MLANA: variants seen among roughly 807,000 people sequenced by gnomAD.
MLANA encodes the protein melanoma antigen recognized by T-cells 1.
Under a neutral mutation model 15.7 loss-of-function variants are expected in MLANA, and 21 were observed. The ratio of observed to expected loss-of-function variants is 1.33; its 90% CI spans 0.95 to 1.92. The LOEUF (loss-of-function observed/expected upper bound fraction) is 1.92. MLANA is among the 40% of genes most tolerant of loss of function. The pLI is 0.00. For synonymous variants in MLANA, 56 were observed against 51.5 expected (o/e 1.09, Z -0.37); for missense variants, 164 against 143.8 (o/e 1.14, Z -0.72).
chr9:5,894,279 G>A lies in MLANA; in HGVS notation c.77+1728G>A, dbSNP rs1197895822. ...ACAACCTGAACAAGGTAACTTTCAG[G>A]GTCTAGTCAGGAAGAAACCAACTAG... is the stretch of plus-strand genomic sequence containing the variant. On this transcript the variant is annotated intron_variant, in intron 2 of 4. Transcript: ENST00000381477. The surrounding 1 kb of genome is among the most constrained non-coding windows in gnomAD (Gnocchi z 4.0). 5.3e-5 allele frequency among the ~76,000 whole-genome samples: 8 copies of A among 152,066 alleles called. No homozygotes were observed. In the South Asian group the frequency reaches 1.7e-3, roughly 32 times the overall value.
chr9:5,901,602 T>C (rs1306628194), intron 3 of MLANA, among the ~76,000 whole-genome samples: 1 of 152,150 alleles, frequency 6.6e-6, no homozygotes, highest in Non-Finnish European at 1.5e-5. Context: ...TACTGTAACC[T>C]TCACCTCCCA....
intron 3 of MLANA, among the ~76,000 whole-genome samples, chr9:5,903,229 T>A (rs1832561957): frequency 6.6e-6 from 1 of 152,160 alleles, no homozygotes; most frequent in South Asian, 2.1e-4. Context: ...TTAAGATGTG[T>A]TTTGTGGCCC....
At chr9:5,904,227 CAT>C (rs1832644315) in intron 3 of MLANA, among the ~76,000 whole-genome samples, 1 of 144,972 alleles carries the variant, frequency 6.9e-6, no homozygotes, top group African/African-American at 2.6e-5. Context: ...GTAGAGAACA[CAT>C]AGTTGGGTCT....
intron 3 of MLANA, among the ~76,000 whole-genome samples, chr9:5,906,648 C>A (rs960822836): frequency 2.6e-5 from 4 of 152,234 alleles, no homozygotes; most frequent in African/African-American, 4.8e-5. Context: ...CCAGGTACTG[C>A]ACTAGAGCTT....
chr9:5,892,479 CAAGAG>C lies in MLANA; in HGVS notation c.10_14del (p.Glu4CysfsTer20). The C allele has an allele frequency of 6.2e-7, 1 of 1,613,380 alleles. No homozygotes were observed. On this transcript the variant is annotated frameshift_variant, in exon 2 of 5. Transcript: ENST00000381477. LOFTEE classifies it high-confidence loss of function. ...CCTGTGCCCTGACCCTACAAGATGC[CAAGAG>C]AAGATGCTCACTTCATCTATGGTTA... is the stretch of plus-strand genomic sequence containing the variant.
At chr9:5,904,048 G>T in intron 3 of MLANA, among the ~76,000 whole-genome samples, 1 of 151,996 alleles carries the variant, frequency 6.6e-6, no homozygotes, top group South Asian at 2.1e-4. Context: ...AGCAGAGATG[G>T]GGTTTCACCA....
At chr9:5,903,427 T>C (rs531652638) in intron 3 of MLANA, among the ~76,000 whole-genome samples, 5 of 152,170 alleles carry the variant, frequency 3.3e-5, no homozygotes, top group Non-Finnish European at 5.9e-5. Flanking sequence ...TGTTGTTGAG[T>C]TTTTTTGCAT....
rs556644682 is a variant in MLANA at position 5,895,896 on chromosome 9, G to A, written c.78-1661G>A. On this transcript the variant is annotated intron_variant, in intron 2 of 4. Transcript: ENST00000381477. The stretch of plus-strand genomic sequence containing the variant: ...AGTACCACGTGACCATGCATAAAGT[G>A]CTGTAACAGAGCTCTGACTGTGTCA... Among the ~76,000 whole-genome samples, 16 of 152,352 alleles carry A rather than the reference G, an allele frequency of 1.1e-4. No individual in the cohort carries two copies. The Middle Eastern group carries it at 0.01, about 97-fold the overall frequency.
intron 2 of MLANA, among the ~76,000 whole-genome samples, chr9:5,897,159 G>C (rs1184023292): frequency 6.6e-6 from 1 of 152,218 alleles, no homozygotes; most frequent in Non-Finnish European, 1.5e-5. Context: ...AGATGAGTCA[G>C]TGTTAATTTC....
chr9:5,900,261 ACTCTATGCCTCCATTC>A (rs952885922), intron 3 of MLANA, among the ~76,000 whole-genome samples: 4 of 151,872 alleles, frequency 2.6e-5, no homozygotes, highest in African/African-American at 9.7e-5. Context: ...TCAAATTCAA[ACTCTATGCCTCCATTC>A]CTCTAGGATT....
At position 5,908,754 on chromosome 9, in the gene MLANA, C is replaced by G. The variant is rs749425206; in HGVS notation, c.*46C>G. On this transcript the variant is annotated 3_prime_UTR_variant, in exon 5 of 5. Coordinates refer to ENST00000381477, the MANE Select transcript of MLANA (RefSeq NM_005511.2). Reference sequence around the variant, plus strand: ...ACATGCTGAAATTATTTCTCTCACACTTTTGCTTGAATTTAATACAGACAT... The same window carrying G: ...ACATGCTGAAATTATTTCTCTCACAGTTTTGCTTGAATTTAATACAGACAT... 3 of 1,556,908 alleles carry G rather than the reference C, an allele frequency of 1.9e-6. No individual in the cohort carries two copies. In the East Asian group the frequency reaches 6.7e-5, roughly 35 times the overall value.
At chr9:5,904,218 T>C (rs11536687) in intron 3 of MLANA, among the ~76,000 whole-genome samples, 26,301 of 152,194 alleles carry the variant, frequency 0.17, 2,378 homozygotes, top group Middle Eastern at 0.22. Context: ...GGGTTTCTTG[T>C]AGAGAACACA....
intron 4 of MLANA, 136 bp downstream of exon 4, chr9:5,907,134 G>T (rs534251518): frequency 5.5e-5 from 24 of 440,230 alleles, no homozygotes; most frequent in African/African-American, 4.5e-4. Context: ...CCTAAAAATG[G>T]TTAAAATGGC....
At chr9:5,893,808 T>TCACCTCCACATCTTGCCAA (rs1831822753) in intron 2 of MLANA, among the ~76,000 whole-genome samples, 1 of 152,142 alleles carries the variant, frequency 6.6e-6, no homozygotes, top group African/African-American at 2.4e-5. Flanking sequence ...TGTTGTGCCA[T>TCACCTCCACATCTTGCCAA]CACCTCCACA....
At chr9:5,897,282 G>T (rs1832090311) in intron 2 of MLANA, among the ~76,000 whole-genome samples, 1 of 152,178 alleles carries the variant, frequency 6.6e-6, no homozygotes, top group Non-Finnish European at 1.5e-5. Context: ...AGTTACTATG[G>T]CACTTCTCAT....
Position 5,908,694 on chromosome 9 carries a change from C to T in MLANA, c.343C>T (p.Pro115Ser). 1 of 1,614,024 alleles carries T rather than the reference C, an allele frequency of 6.2e-7. No individual in the cohort carries two copies. Among genetic ancestry groups the T allele is most frequent in the Non-Finnish European group, 8.5e-7 (1 of 1,179,918 alleles). ...ACTCTCTGCAGAACAGTCACCACCA[C>T]CTTATTCACCTTAAGAGCCAGCGAG... ...EKLSAEQSPP[P>S]YSP is the part of the protein sequence containing the mutation. Residue 115 changes from proline to serine, a missense_variant, in exon 5 of 5, where the codon CCT becomes TCT. By Grantham distance (74) the Pro-to-Ser change is moderately conservative. Transcript: ENST00000381477.
Position 5,909,040 on chromosome 9 carries a change from C to T in MLANA, c.*332C>T, listed in dbSNP as rs1161978304. 3.3e-6 allele frequency: 1 copy of T among 303,176 alleles called. No individual in the cohort carries two copies. Among genetic ancestry groups the T allele is most frequent in the Non-Finnish European group, 6.2e-6 (1 of 162,340 alleles). The allele number at this position is 303,176 out of a possible 1,614,324, so 18.8% of individuals were successfully genotyped here. A position where few individuals can be genotyped will look rare whatever the true frequency, so the allele number is the denominator to read the frequency against. ...TCTGGGGCCATCCAATTTCTCTTTA[C>T]TTGAAATTTGGCTAATAACAAACTA... On this transcript the variant is annotated 3_prime_UTR_variant, in exon 5 of 5. Coordinates refer to ENST00000381477, the MANE Select transcript of MLANA (RefSeq NM_005511.2).
chr9:5,905,091 T>C (rs989384437), intron 3 of MLANA, among the ~76,000 whole-genome samples: 3 of 152,306 alleles, frequency 2.0e-5, no homozygotes, highest in African/African-American at 7.2e-5. Context: ...CTTTTTTACT[T>C]TTTTTCAGTG....
chr9:5,901,479 TTTC>T (rs1216422806), intron 3 of MLANA, among the ~76,000 whole-genome samples: 2 of 152,228 alleles, frequency 1.3e-5, no homozygotes, highest in Non-Finnish European at 2.9e-5. Flanking sequence ...ATCTTGCAAA[TTTC>T]TTCTTTAGTC....
Sources: gnomAD v4.1 joint callset for allele counts (sites outside exome capture counted in the v4.1 genomes callset) on GRCh38, gnomAD v4.1.1 for gene constraint, Gnocchi (gnomAD v3.1) non-coding constraint, MANE v1.5 for transcripts, NCBI Gene and HGNC (gene_info 2026-07-23, HGNC 2026-07-21) for gene names.